FGF9: variants seen among roughly 807,000 people sequenced by gnomAD.
The protein encoded by FGF9 is fibroblast growth factor 9.
A neutral mutation model predicts 19.9 loss-of-function variants in FGF9; 3 were observed. The ratio of observed to expected loss-of-function variants is 0.15; its 90% CI spans 0.07 to 0.39. The LOEUF (loss-of-function observed/expected upper bound fraction) is 0.39, where lower values mean the gene tolerates loss of function less well. FGF9 is among the 10% of genes least tolerant of loss of function. The pLI is 1.00. For synonymous variants in FGF9, 107 were observed against 106.9 expected (o/e 1.00, Z -0.01); for missense variants, 175 against 256.8 (o/e 0.68, Z 2.18).
chr13:21,674,516 G>A (rs1871857074), intron 1 of FGF9, among the ~76,000 whole-genome samples: 1 of 151,986 alleles, frequency 6.6e-6, no homozygotes, highest in East Asian at 2.0e-4. Flanking sequence ...GGTGTGCGCG[G>A]GAGCGCGGCG....
Position 21,671,704 on chromosome 13 carries a change from C to T in FGF9, c.-209C>T, listed in dbSNP as rs1665254801. The stretch of plus-strand genomic sequence containing the variant: ...GAGTATAAAGTGGTGGTTTCTTAGA[C>T]TATCAGTGGTTTGACCTTGAACCTG... On this transcript the variant is annotated 5_prime_UTR_variant, in exon 1 of 3. Transcript: ENST00000382353. 1 of 623,082 alleles carries T rather than the reference C, an allele frequency of 1.6e-6. No individual in the cohort carries two copies. Among genetic ancestry groups the T allele is most frequent in the Admixed American group, 2.8e-5 (1 of 35,960 alleles). The allele number at this position is 623,082 out of a possible 1,614,324, so 38.6% of individuals were successfully genotyped here. A position where few individuals can be genotyped will look rare whatever the true frequency, so the allele number is the denominator to read the frequency against.
chr13:21,701,593 C>A lies in FGF9; in HGVS notation c.*158C>A. 9.5e-7 allele frequency: 1 copy of A among 1,049,262 alleles called. No individual in the cohort carries two copies. The highest frequency in any genetic ancestry group is 1.4e-6 in the Non-Finnish European group (1 of 704,034). 65.0% of individuals were successfully genotyped at this position (1,049,262 alleles called of 1,614,324 possible). A position where few individuals can be genotyped will look rare whatever the true frequency, so the allele number is the denominator to read the frequency against. ...TGATGGAGGCTTGGATGGGAATATG[C>A]TGATTTTGTTCTGCACTTAAAGGCT... On this transcript the variant is annotated 3_prime_UTR_variant, in exon 3 of 3. Coordinates refer to ENST00000382353, the MANE Select transcript of FGF9 (RefSeq NM_002010.3).
Position 21,701,608 on chromosome 13 carries a change from A to G in FGF9, c.*173A>G. ...TGGGAATATGCTGATTTTGTTCTGC[A>G]CTTAAAGGCTTCTCCTCCTGGAGGG... On this transcript the variant is annotated 3_prime_UTR_variant, in exon 3 of 3. Transcript: ENST00000382353. 3.4e-6 allele frequency: 3 copies of G among 881,200 alleles called. No individual in the cohort carries two copies. Among genetic ancestry groups the G allele is most frequent in the South Asian group, 3.3e-5 (2 of 61,310 alleles). 54.6% of individuals were successfully genotyped at this position (881,200 alleles called of 1,614,324 possible). A position where few individuals can be genotyped will look rare whatever the true frequency, so the allele number is the denominator to read the frequency against.
At chr13:21,686,576 G>A (rs1035277413) in intron 2 of FGF9, among the ~76,000 whole-genome samples, 24 of 152,204 alleles carry the variant, frequency 1.6e-4, no homozygotes, top group African/African-American at 5.3e-4. Context: ...TTTCTCGTTT[G>A]TATCCCTTTG....
chr13:21,683,102 C>T (rs1319164495), intron 2 of FGF9, among the ~76,000 whole-genome samples: 1 of 152,192 alleles, frequency 6.6e-6, no homozygotes, highest in African/African-American at 2.4e-5. Flanking sequence ...TTGCACACCC[C>T]TCTGAATTTT....
At position 21,671,966 on chromosome 13, in the gene FGF9, G is replaced by A. The variant is rs761983668; in HGVS notation, c.54G>A (p.Pro18=). 12 of 1,614,080 alleles carry A rather than the reference G, an allele frequency of 7.4e-6. No individual in the cohort carries two copies. The Admixed American group carries it at 1.0e-4, about 13-fold the overall frequency. ...ATTTCGGTGTGCAGGATGCGGTACCGTTTGGGAATGTGCCCGTGTTGCCGG... is the reference window on the plus strand; with the variant it reads ...ATTTCGGTGTGCAGGATGCGGTACCATTTGGGAATGTGCCCGTGTTGCCGG... ...GNYFGVQDAV[P]FGNVPVLPVD... The change falls in exon 1 of 3, where the codon CCG becomes CCA. Residue 18 remains proline (P), a synonymous_variant. Transcript: ENST00000382353.
At chr13:21,683,312 C>T (rs1290494089) in intron 2 of FGF9, among the ~76,000 whole-genome samples, 1 of 152,238 alleles carries the variant, frequency 6.6e-6, no homozygotes, top group Admixed American at 6.5e-5. Context: ...CTGGCACACC[C>T]CAGTTCCTAG....
chr13:21,691,591 G>A lies in FGF9; in HGVS notation c.382-9599G>A, dbSNP rs570407387. Among the ~76,000 whole-genome samples, 4 of 152,190 alleles carry A rather than the reference G, an allele frequency of 2.6e-5. No individual in the cohort carries two copies. The highest frequency in any genetic ancestry group is 5.9e-5 in the Non-Finnish European group (4 of 68,034). On this transcript the variant is annotated intron_variant, in intron 2 of 2. Coordinates refer to ENST00000382353, the MANE Select transcript of FGF9 (RefSeq NM_002010.3). This position sits in a 1 kb window ranked among gnomAD's most constrained non-coding sequence, Gnocchi z 4.2. Reference sequence around the variant, plus strand: ...GCTGACATGTGGAGAGTCCTCCCCTGTCAGCATCAGCAGCCCCTCCGGGGC... The same window carrying A: ...GCTGACATGTGGAGAGTCCTCCCCTATCAGCATCAGCAGCCCCTCCGGGGC...
chr13:21,694,193 G>A (rs983221900), intron 2 of FGF9, among the ~76,000 whole-genome samples: 1 of 152,126 alleles, frequency 6.6e-6, no homozygotes, highest in Non-Finnish European at 1.5e-5. Flanking sequence ...TGTGTTGCTG[G>A]AAGGTCAGCA....
At chr13:21,698,797 C>G (rs1165999978) in intron 2 of FGF9, among the ~76,000 whole-genome samples, 1 of 152,102 alleles carries the variant, frequency 6.6e-6, no homozygotes, top group Non-Finnish European at 1.5e-5. Context: ...TGATTTCCTG[C>G]TGGAAAAAAG....
intron 1 of FGF9, among the ~76,000 whole-genome samples, chr13:21,679,815 G>A (rs1011006343): frequency 2.6e-5 from 4 of 151,020 alleles, no homozygotes; most frequent in Non-Finnish European, 4.4e-5. Flanking sequence ...TTAGCCCAGC[G>A]TGGTGGCTGT....
At chr13:21,681,401 T>C (rs1872039834) in intron 2 of FGF9, 1 of 383,056 alleles carries the variant, frequency 2.6e-6, no homozygotes, top group East Asian at 5.0e-5. Flanking sequence ...TAAAAAAATT[T>C]ACAAGTGTGA....
chr13:21,698,581 A>G (rs953477160), intron 2 of FGF9, among the ~76,000 whole-genome samples: 1 of 152,198 alleles, frequency 6.6e-6, no homozygotes, highest in South Asian at 2.1e-4. Context: ...TCTCACTCCA[A>G]CGTCAGGCTT....
intron 2 of FGF9, among the ~76,000 whole-genome samples, chr13:21,688,988 G>T (rs1378267344): frequency 6.6e-6 from 1 of 152,164 alleles, no homozygotes; most frequent in Non-Finnish European, 1.5e-5. Flanking sequence ...TTTGGGAAAG[G>T]ATTATTTTAA....
At position 21,691,182 on chromosome 13, in the gene FGF9, T is replaced by C. The variant is rs910606988; in HGVS notation, c.382-10008T>C. On this transcript the variant is annotated intron_variant, in intron 2 of 2. Coordinates refer to ENST00000382353, the MANE Select transcript of FGF9 (RefSeq NM_002010.3). This position sits in a 1 kb window ranked among gnomAD's most constrained non-coding sequence, Gnocchi z 4.2. Reference sequence around the variant, plus strand: ...GCTGTACCTACAAATGCAAATGTACTTCCTCATGTGGGTGATCTTAGAGCT... The same window carrying C: ...GCTGTACCTACAAATGCAAATGTACCTCCTCATGTGGGTGATCTTAGAGCT... Among the ~76,000 whole-genome samples the C allele has an allele frequency of 6.6e-6, 1 of 152,222 alleles. No individual in the cohort carries two copies.
At chr13:21,686,421 C>T (rs1872159504) in intron 2 of FGF9, among the ~76,000 whole-genome samples, 1 of 152,224 alleles carries the variant, frequency 6.6e-6, no homozygotes, top group Non-Finnish European at 1.5e-5. Flanking sequence ...CTTCAAGAAG[C>T]TTGCATTTAA....
intron 1 of FGF9, among the ~76,000 whole-genome samples, chr13:21,680,478 A>C (rs559765376): frequency 6.6e-6 from 1 of 151,614 alleles, no homozygotes; most frequent in South Asian, 2.1e-4. Context: ...CTACTTAAAC[A>C]GGTATTTATT....
intron 2 of FGF9, among the ~76,000 whole-genome samples, chr13:21,695,936 C>T (rs907344904): frequency 1.3e-5 from 2 of 152,084 alleles, no homozygotes; most frequent in African/African-American, 2.4e-5. Flanking sequence ...GTGGACAAAA[C>T]GACACCACAT....
chr13:21,701,557 T>C lies in FGF9; in HGVS notation c.*122T>C. 7.3e-7 allele frequency: 1 copy of C among 1,362,840 alleles called. No individual in the cohort carries two copies. The highest frequency in any genetic ancestry group is 1.0e-6 in the Non-Finnish European group (1 of 957,708). 84.4% of individuals were successfully genotyped at this position (1,362,840 alleles called of 1,614,324 possible). On this transcript the variant is annotated 3_prime_UTR_variant, in exon 3 of 3. Coordinates refer to ENST00000382353, the MANE Select transcript of FGF9 (RefSeq NM_002010.3). ...TCCACTGTTGCCAAACTTTGTCGCA[T>C]GCATAATGTATGATGGAGGCTTGGA... is the stretch of plus-strand genomic sequence containing the variant.
Sources: allele counts gnomAD v4.1 joint callset (sites outside exome capture counted in the v4.1 genomes callset), GRCh38; gene constraint gnomAD v4.1.1; non-coding constraint Gnocchi (gnomAD v3.1); transcripts MANE v1.5; gene names NCBI Gene and HGNC (gene_info 2026-07-23, HGNC 2026-07-21).